Variants in IQSEC3 observed in about 807,000 individuals in gnomAD.
IQSEC3 encodes IQ motif and Sec7 domain ArfGEF 3.
A neutral mutation model predicts 105.4 loss-of-function variants in IQSEC3; 50 were observed. That is an observed-to-expected ratio of 0.47 (90% CI 0.38 to 0.60). The LOEUF (loss-of-function observed/expected upper bound fraction) is 0.60, where lower values mean the gene tolerates loss of function less well. Ranked by LOEUF, IQSEC3 falls within the 20% of genes least tolerant of loss-of-function variation. The pLI is 0.00. For missense variants in IQSEC3, 1,415 were observed against 1,630.0 expected, an observed-to-expected ratio of 0.87 and a Z score of 2.27; for synonymous variants, 708 against 746.0, an observed-to-expected ratio of 0.95 and a Z score of 0.83.
intron 11 of IQSEC3, 163 bp from the exon 12 acceptor site, chr12:168,850 T>C (rs2137064847): frequency 1.5e-6 from 1 of 649,464 alleles, no homozygotes; most frequent in Non-Finnish European, 2.8e-6. Context: ...GGTATTTAAC[T>C]TGCTATTCAG....
At chr12:141,088 T>G (rs1866002231) in intron 4 of IQSEC3, 36 bp from the exon 5 acceptor site, 1 of 1,563,814 alleles carries the variant, frequency 6.4e-7, no homozygotes, top group Non-Finnish European at 8.8e-7. Context: ...TGGCTTCAGC[T>G]CACTCTCTAC....
chr12:175,923 GGAGACGGGGCAGGAATGTGCCCAGCA>G lies in IQSEC3; in HGVS notation c.*895_*920del, dbSNP rs1939224465. On this transcript the variant is annotated 3_prime_UTR_variant, in exon 14 of 14. Coordinates refer to ENST00000538872, the MANE Select transcript of IQSEC3 (RefSeq NM_001170738.2). ...TTCCTTCCGCTGTGGAAGCAGAACT[GGAGACGGGGCAGGAATGTGCCCAGCA>G]GAGATGGGGCTCAGCCCGAGGCAGG... 6.6e-6 allele frequency: 1 copy of G among 152,276 alleles called. No individual in the cohort carries two copies. Among genetic ancestry groups the G allele is most frequent in the Admixed American group, 6.5e-5 (1 of 15,290 alleles). 9.4% of individuals were successfully genotyped at this position (152,276 alleles called of 1,614,324 possible).
intron 5 of IQSEC3, chr12:141,520 C>T: frequency 4.0e-6 from 2 of 494,954 alleles, no homozygotes; most frequent in South Asian, 4.1e-5. Context: ...TTTGAGGCAG[C>T]AGGGATACAG....
rs1474675220 is a variant in IQSEC3, at chr12:157,783, A to G, written c.2443+89A>G. The G allele has an allele frequency of 5.0e-6, 7 of 1,390,336 alleles. No homozygotes were observed. The South Asian group carries it at 9.7e-5, about 19-fold the overall frequency. The allele number at this position is 1,390,336 out of a possible 1,614,324, so 86.1% of individuals were successfully genotyped here. On this transcript the variant is annotated intron_variant, in intron 7 of 13. Transcript: ENST00000538872. Reference sequence around the variant, plus strand: ...GTGCATTCTGTGAGTCTGAGCCCCTATCACAGATGGTCACCTGCTGTCTGG... The same window carrying G: ...GTGCATTCTGTGAGTCTGAGCCCCTGTCACAGATGGTCACCTGCTGTCTGG...
chr12:102,252 G>A (rs1864450269), intron 2 of IQSEC3, among the ~76,000 whole-genome samples: 1 of 152,026 alleles, frequency 6.6e-6, no homozygotes, highest in African/African-American at 2.4e-5. Flanking sequence ...TTTCCCGCTA[G>A]CTCAGCCAGT....
chr12:82,273 C>G (rs565787877), intron 1 of IQSEC3, among the ~76,000 whole-genome samples: 29 of 152,078 alleles, frequency 1.9e-4, no homozygotes, highest in Non-Finnish European at 2.9e-4. Context: ...AATGATATTT[C>G]TGGGGCTTGC....
Position 99,234 on chromosome 12 carries a change from C to G in IQSEC3, c.623+20C>G, listed in dbSNP as rs1555075509. On this transcript the variant is annotated intron_variant, in intron 2 of 13. Coordinates refer to ENST00000538872, the MANE Select transcript of IQSEC3 (RefSeq NM_001170738.2). ...CCAAAGGTGGGAACTGTGGCCCTTC[C>G]TCCCTTCCGCATCCCCACCTTCCTT... 2 of 1,594,318 alleles carry G rather than the reference C, an allele frequency of 1.3e-6. No individual in the cohort carries two copies. The highest frequency in any genetic ancestry group is 1.7e-6 in the Non-Finnish European group (2 of 1,177,406).
chr12:83,741 C>T (rs937870222), intron 1 of IQSEC3, among the ~76,000 whole-genome samples: 59 of 151,686 alleles, frequency 3.9e-4, no homozygotes, highest in Non-Finnish European at 7.1e-4. Context: ...TGATGTGATC[C>T]ACACTAGAAA....
chr12:127,487 G>A (rs1242400589), intron 3 of IQSEC3, among the ~76,000 whole-genome samples: 1 of 152,092 alleles, frequency 6.6e-6, no homozygotes. Flanking sequence ...CAGCACTCCA[G>A]CCTGGGCGAC....
intron 1 of IQSEC3, among the ~76,000 whole-genome samples, chr12:95,327 C>T (rs142004792): frequency 6.6e-6 from 1 of 152,202 alleles, no homozygotes; most frequent in African/African-American, 2.4e-5. Flanking sequence ...TAGTCTATGA[C>T]CTATAGATTA....
At chr12:140,424 C>T (rs1423752575) in intron 4 of IQSEC3, 1 of 152,210 alleles carries the variant, frequency 6.6e-6, no homozygotes, top group Non-Finnish European at 1.5e-5. Flanking sequence ...AGTGTCTCTT[C>T]TGCATGCACA....
chr12:92,156 G>A (rs555457618), intron 1 of IQSEC3, among the ~76,000 whole-genome samples: 12 of 152,358 alleles, frequency 7.9e-5, no homozygotes, highest in African/African-American at 1.7e-4. Context: ...GACTGCTGAA[G>A]CCACAGGGGA....
intron 2 of IQSEC3, among the ~76,000 whole-genome samples, chr12:120,186 G>A (rs782157253): frequency 4.6e-5 from 7 of 152,202 alleles, no homozygotes; most frequent in Non-Finnish European, 8.8e-5. Context: ...CAAGTACCAA[G>A]AATTGTTAGA....
chr12:88,731 G>GAT (rs1425467697), intron 1 of IQSEC3, among the ~76,000 whole-genome samples: 1 of 152,146 alleles, frequency 6.6e-6, no homozygotes, highest in African/African-American at 2.4e-5. Flanking sequence ...TACAGTGGTA[G>GAT]ATTGCACCAG....
chr12:162,362 C>G (rs1032571973), intron 8 of IQSEC3, among the ~76,000 whole-genome samples: 1 of 152,114 alleles, frequency 6.6e-6, no homozygotes, highest in African/African-American at 2.4e-5. Flanking sequence ...TTTAGTATCC[C>G]TTTCCTAGGA....
intron 2 of IQSEC3, among the ~76,000 whole-genome samples, chr12:123,427 A>G (rs1225889036): frequency 6.6e-6 from 1 of 152,120 alleles, no homozygotes; most frequent in Non-Finnish European, 1.5e-5. Flanking sequence ...GGTGAGTGAG[A>G]CACTGGCTCA....
chr12:163,011 G>A (rs1190896140), intron 8 of IQSEC3, among the ~76,000 whole-genome samples: 4 of 152,038 alleles, frequency 2.6e-5, no homozygotes, highest in African/African-American at 9.7e-5. Context: ...CCCCTTCTCT[G>A]GCCGTGCTCC....
rs782315109 is a variant in IQSEC3 at position 139,072 on chromosome 12, A to T, written c.1709A>T (p.Lys570Ile). Residue 570 changes from lysine to isoleucine, a missense_variant, in exon 4 of 14, where the codon AAA (lysine) becomes ATA (isoleucine). By Grantham distance (102) the Lys-to-Ile change is moderately radical. This residue lies in a region of IQSEC3 where 720 missense variants were observed against 633.0 expected (regional missense o/e 1.14). Coordinates refer to ENST00000538872, the MANE Select transcript of IQSEC3 (RefSeq NM_001170738.2). ...SGAADGATAP[K>I]TEEEEEEEET... ...GCGGCGGATGGGGCCACAGCCCCCA[A>T]AACAGAGGAGGAAGAGGAGGAGGAG... The T allele has an allele frequency of 6.7e-7, 1 of 1,494,848 alleles. No individual in the cohort carries two copies. The highest frequency in any genetic ancestry group is 2.3e-5 in the Admixed American group (1 of 44,182). The allele number at this position is 1,494,848 out of a possible 1,614,324, so 92.6% of individuals were successfully genotyped here. A position where few individuals can be genotyped will look rare whatever the true frequency, so the allele number is the denominator to read the frequency against.
intron 5 of IQSEC3, among the ~76,000 whole-genome samples, chr12:151,323 C>A (rs1362962144): frequency 2.0e-5 from 3 of 152,230 alleles, no homozygotes; most frequent in Non-Finnish European, 4.4e-5. Flanking sequence ...TACCTCCAGG[C>A]CCCTGGGTGC....
Sources: gnomAD v4.1 joint callset for allele counts (sites outside exome capture counted in the v4.1 genomes callset) on GRCh38, gnomAD v4.1.1 for gene constraint, gnomAD v4.1.1 regional missense constraint, MANE v1.5 for transcripts, NCBI Gene and HGNC (gene_info 2026-07-23, HGNC 2026-07-21) for gene names.